Variants in AFG1L observed in about 807,000 individuals in gnomAD.
AFG1L encodes AFG1-like ATPase.
Under a neutral mutation model 62.2 loss-of-function variants are expected in AFG1L, and 53 were observed. That is an observed-to-expected ratio of 0.85 (90% CI 0.68 to 1.07). The LOEUF is 1.07. AFG1L is among the 50% of genes least tolerant of loss of function. The probability of loss-of-function intolerance (pLI) is 0.00; values close to 1 mark genes in which losing one functional copy is unlikely to be tolerated. For synonymous variants in AFG1L, 228 were observed against 210.3 expected, an observed-to-expected ratio of 1.08 and a Z score of -0.73; for missense variants, 555 against 590.5, an observed-to-expected ratio of 0.94 and a Z score of 0.62.
intron 1 of AFG1L, among the ~76,000 whole-genome samples, chr6:108,298,412 C>T (rs1776852579): frequency 6.6e-6 from 1 of 151,872 alleles, no homozygotes; most frequent in Non-Finnish European, 1.5e-5. Context: ...ATTACAGGCG[C>T]CCGCCACCAC....
Position 108,510,259 on chromosome 6 carries a change from A to G in AFG1L, c.1110A>G (p.Thr370=). The part of the protein sequence containing the change: ...DYLELSKNFD[T]IFLRNIPQFT... The stretch of plus-strand genomic sequence containing the variant: ...TGGAACTATCAAAGAATTTTGATAC[A>G]ATATTTTTACGAAACATTCCGCAAT... The change falls in exon 11 of 13, where the codon ACA becomes ACG. Residue 370 remains threonine (T), a synonymous_variant. Transcript: ENST00000368977. 6.2e-7 allele frequency: 1 copy of G among 1,612,170 alleles called. No homozygotes were observed.
At chr6:108,484,320 T>C (rs1336342261) in intron 10 of AFG1L, among the ~76,000 whole-genome samples, 1 of 152,148 alleles carries the variant, frequency 6.6e-6, no homozygotes, top group Non-Finnish European at 1.5e-5. Context: ...GGCCACAGCA[T>C]AGTGACAGGG....
intron 1 of AFG1L, chr6:108,317,987 G>A (rs1777671454): frequency 6.5e-6 from 1 of 153,052 alleles, no homozygotes; most frequent in Admixed American, 6.5e-5. Context: ...AGCTTCAGGA[G>A]AATTTTATTT....
At chr6:108,488,845 C>CT (rs1491299032) in intron 10 of AFG1L, among the ~76,000 whole-genome samples, 3 of 150,834 alleles carry the variant, frequency 2.0e-5, no homozygotes, top group African/African-American at 7.5e-5. Flanking sequence ...GAGCGAGACT[C>CT]TGTCTCCAGA....
At chr6:108,406,728 G>A (rs1781874628) in intron 7 of AFG1L, among the ~76,000 whole-genome samples, 1 of 152,186 alleles carries the variant, frequency 6.6e-6, no homozygotes, top group Non-Finnish European at 1.5e-5. Flanking sequence ...GTGAGCCACT[G>A]TGCCTGGCCT....
At chr6:108,362,438 T>C (rs1779581255) in intron 5 of AFG1L, among the ~76,000 whole-genome samples, 1 of 152,206 alleles carries the variant, frequency 6.6e-6, no homozygotes, top group African/African-American at 2.4e-5. Context: ...GCCTGTGTTC[T>C]TAATAACTGT....
intron 1 of AFG1L, among the ~76,000 whole-genome samples, chr6:108,310,003 G>A (rs1206585581): frequency 1.3e-5 from 2 of 152,288 alleles, no homozygotes; most frequent in South Asian, 2.1e-4. Context: ...GGCAACGTGA[G>A]CTTTATGTGT....
intron 10 of AFG1L, among the ~76,000 whole-genome samples, chr6:108,481,833 A>G (rs1409787964): frequency 6.6e-6 from 1 of 152,236 alleles, no homozygotes; most frequent in East Asian, 1.9e-4. Context: ...TTTTCACAGA[A>G]TACCATTTTT....
intron 2 of AFG1L, among the ~76,000 whole-genome samples, chr6:108,343,825 C>G (rs1287431645): frequency 1.3e-5 from 2 of 152,136 alleles, no homozygotes; most frequent in Admixed American, 1.3e-4. Context: ...ACCAGGAAGC[C>G]ATCCAGATGG....
At chr6:108,343,881 G>A (rs151237403) in intron 2 of AFG1L, among the ~76,000 whole-genome samples, 1 of 152,314 alleles carries the variant, frequency 6.6e-6, no homozygotes, top group East Asian at 1.9e-4. Flanking sequence ...TAGACCATGA[G>A]TGAGGTCTAG....
At chr6:108,496,308 A>G (rs1773973311) in intron 10 of AFG1L, among the ~76,000 whole-genome samples, 1 of 152,228 alleles carries the variant, frequency 6.6e-6, no homozygotes, top group South Asian at 2.1e-4. Flanking sequence ...CCTCATATTT[A>G]TTAAGCATTC....
intron 2 of AFG1L, among the ~76,000 whole-genome samples, chr6:108,346,528 G>A (rs1400486402): frequency 6.6e-6 from 1 of 152,038 alleles, no homozygotes; most frequent in African/African-American, 2.4e-5. Flanking sequence ...ACCATGCCTG[G>A]CTAATTCTTT....
At chr6:108,329,158 C>G (rs34590140) in intron 2 of AFG1L, among the ~76,000 whole-genome samples, 335 of 150,254 alleles carry the variant, frequency 2.2e-3, no homozygotes, top group Non-Finnish European at 3.5e-3. Flanking sequence ...CCAGGCTGGT[C>G]TTGATCTCTG....
In AFG1L at chr6:108,323,909, C is replaced by A; in HGVS notation, c.224C>A (p.Pro75His). ...YLKALAVCHG[P>H]LDHYDFLIKA... The stretch of plus-strand genomic sequence containing the variant: ...AAAGCTTTGGCCGTTTGCCATGGAC[C>A]TCTGGACCACTATGATTTTCTGATC... Residue 75 changes from proline to histidine, a missense_variant, in exon 2 of 13, where the codon CCT (proline) becomes CAT (histidine). Transcript: ENST00000368977. 6.2e-7 allele frequency: 1 copy of A among 1,614,108 alleles called. No individual in the cohort carries two copies. Among genetic ancestry groups the A allele is most frequent in the Non-Finnish European group, 8.5e-7 (1 of 1,179,998 alleles).
At chr6:108,463,289 A>AG (rs1303992571) in intron 8 of AFG1L, among the ~76,000 whole-genome samples, 6 of 145,916 alleles carry the variant, frequency 4.1e-5, no homozygotes, top group African/African-American at 1.6e-4. Context: ...ACTCTGTCAA[A>AG]AAAAAAAAAA....
intron 1 of AFG1L, among the ~76,000 whole-genome samples, chr6:108,306,714 G>C (rs1190193016): frequency 2.0e-5 from 3 of 152,044 alleles, no homozygotes; most frequent in Non-Finnish European, 4.4e-5. Flanking sequence ...TTGTGCTGTC[G>C]GTCAAGTCTC....
chr6:108,388,726 A>G (rs1382516392), intron 6 of AFG1L, among the ~76,000 whole-genome samples: 15 of 150,804 alleles, frequency 9.9e-5, no homozygotes, highest in Admixed American at 4.0e-4. Flanking sequence ...GTTTGATTGC[A>G]CTGTGGTCTG....
At chr6:108,487,226 G>A (rs932017448) in intron 10 of AFG1L, among the ~76,000 whole-genome samples, 17 of 152,322 alleles carry the variant, frequency 1.1e-4, no homozygotes, top group Non-Finnish European at 2.4e-4. Context: ...GACACTGGGC[G>A]CTGTGGCACA....
At chr6:108,330,409 C>T (rs1166752991) in intron 2 of AFG1L, among the ~76,000 whole-genome samples, 7 of 152,122 alleles carry the variant, frequency 4.6e-5, no homozygotes, top group South Asian at 2.1e-4. Flanking sequence ...CTCCTGACCT[C>T]GTGCTCTGCC....
Sources: allele counts gnomAD v4.1 joint callset (sites outside exome capture counted in the v4.1 genomes callset), GRCh38; gene constraint gnomAD v4.1.1; transcripts MANE v1.5; gene names NCBI Gene and HGNC (gene_info 2026-07-23, HGNC 2026-07-21).